The following TRAPPC11 variants were observed in gnomAD, a reference collection of about 807,000 sequenced individuals.
TRAPPC11 encodes the protein trafficking protein particle complex subunit 11.
TRAPPC11 carries 104 observed loss-of-function variants against 151.2 expected under a neutral mutation model. That is an observed-to-expected ratio of 0.69 (90% CI 0.59 to 0.81). The LOEUF (loss-of-function observed/expected upper bound fraction) is 0.81, where lower values mean the gene tolerates loss of function less well. Ranked by LOEUF, TRAPPC11 falls within the 30% of genes least tolerant of loss-of-function variation. The pLI, the probability that TRAPPC11 is intolerant of heterozygous loss-of-function variation, is 0.00. For missense variants in TRAPPC11, 1,230 were observed against 1,349.6 expected (o/e 0.91, Z 1.39); for synonymous variants, 456 against 472.3 (o/e 0.97, Z 0.45).
chr4:183,680,200 A>G lies in TRAPPC11; in HGVS notation c.1046A>G (p.Tyr349Cys), dbSNP rs750711449. 6.2e-6 allele frequency: 10 copies of G among 1,614,064 alleles called. No individual in the cohort carries two copies. The highest frequency in any genetic ancestry group is 4.5e-5 in the East Asian group (2 of 44,846). The change falls in exon 10 of 30, where the codon TAT becomes TGT. Residue 349 changes from tyrosine to cysteine, a missense_variant. Transcript: ENST00000334690. Reference sequence around the variant, plus strand: ...ATTCAAACTCAGAATCCTGGTTTCTATTACCAGCAGGCAGCATACTATGCC... The same window carrying G: ...ATTCAAACTCAGAATCCTGGTTTCTGTTACCAGCAGGCAGCATACTATGCC... ...TAIQTQNPGF[Y>C]YQQAAYYAQE...
intron 28 of TRAPPC11, 53 bp from the exon 29 acceptor site, chr4:183,708,353 AT>A (rs1423438596): frequency 6.5e-7 from 1 of 1,537,596 alleles, no homozygotes; most frequent in Admixed American, 1.8e-5. Context: ...CAACATATAG[AT>A]ATTGCACATA....
intron 8 of TRAPPC11, among the ~76,000 whole-genome samples, chr4:183,678,376 T>C (rs1323101689): frequency 6.6e-6 from 1 of 152,238 alleles, no homozygotes; most frequent in East Asian, 1.9e-4. Flanking sequence ...TGCCTGACTC[T>C]GTGTTGGTGA....
chr4:183,678,637 A>G (rs757257362), intron 8 of TRAPPC11, among the ~76,000 whole-genome samples: 7 of 152,208 alleles, frequency 4.6e-5, no homozygotes, highest in African/African-American at 1.2e-4. Flanking sequence ...AGTTTTCTAG[A>G]AAGGCATACA....
chr4:183,695,188 G>T (rs1736473932), intron 23 of TRAPPC11, among the ~76,000 whole-genome samples: 1 of 152,052 alleles, frequency 6.6e-6, no homozygotes, highest in African/African-American at 2.4e-5. Flanking sequence ...AACCTCAGGT[G>T]ATCTGCCCAC....
chr4:183,670,189 G>A (rs1735085905), intron 5 of TRAPPC11, among the ~76,000 whole-genome samples: 1 of 152,132 alleles, frequency 6.6e-6, no homozygotes, highest in Admixed American at 6.5e-5. Context: ...AGCCTTTCGA[G>A]GTATTACCTA....
intron 2 of TRAPPC11, among the ~76,000 whole-genome samples, chr4:183,664,407 A>G (rs546109838): frequency 3.3e-5 from 5 of 152,180 alleles, no homozygotes; most frequent in Admixed American, 1.3e-4. Context: ...TTTGAATCCC[A>G]TGGTCTGTGC....
At chr4:183,675,499 T>C (rs559082786) in intron 7 of TRAPPC11, 1 of 212,334 alleles carries the variant, frequency 4.7e-6, no homozygotes, top group South Asian at 1.8e-4. Context: ...AAATGTAATA[T>C]TAAAATTTTC....
At chr4:183,694,957 T>TC (rs1736459952) in intron 23 of TRAPPC11, among the ~76,000 whole-genome samples, 2 of 149,824 alleles carry the variant, frequency 1.3e-5, no homozygotes, top group Admixed American at 6.6e-5. Flanking sequence ...TTTTTTTTTT[T>TC]TTTTTTTTGA....
Position 183,713,060 on chromosome 4 carries a change from G to A in TRAPPC11, c.*416G>A, listed in dbSNP as rs989489212. On this transcript the variant is annotated 3_prime_UTR_variant, in exon 30 of 30. Coordinates refer to ENST00000334690, the MANE Select transcript of TRAPPC11 (RefSeq NM_021942.6). ...TGTCTCTTTCAGAGCTGGCCAGACC[G>A]GAAATAAATCATTCTCATAAATTCA... The A allele has an allele frequency of 4.7e-5, 8 of 171,858 alleles. No individual in the cohort carries two copies. Among genetic ancestry groups the A allele is most frequent in the East Asian group, 1.6e-4 (1 of 6,290 alleles). 10.6% of individuals were successfully genotyped at this position (171,858 alleles called of 1,614,324 possible).
At chr4:183,690,082 A>G (rs1418606750) in intron 18 of TRAPPC11, among the ~76,000 whole-genome samples, 1 of 152,152 alleles carries the variant, frequency 6.6e-6, no homozygotes, top group African/African-American at 2.4e-5. Context: ...GGGTGCCTGT[A>G]GTCTCAGCTA....
In TRAPPC11 at chr4:183,691,462, G is replaced by A; in HGVS notation, c.2040G>A (p.Lys680=). 1 of 1,493,394 alleles carries A rather than the reference G, an allele frequency of 6.7e-7. No individual in the cohort carries two copies. Among genetic ancestry groups the A allele is most frequent in the Non-Finnish European group, 9.0e-7 (1 of 1,105,810 alleles). 92.5% of individuals were successfully genotyped at this position (1,493,394 alleles called of 1,614,324 possible). A position where few individuals can be genotyped will look rare whatever the true frequency, so the allele number is the denominator to read the frequency against. The part of the protein sequence containing the change: ...KFVAKTEDVG[K]KIEITSVDLA... Reference sequence around the variant, plus strand: ...TTGCAAAAACTGAAGATGTGGGAAAGAAAATTGAGGTTAGTTATGAAATTT... The same window carrying A: ...TTGCAAAAACTGAAGATGTGGGAAAAAAAATTGAGGTTAGTTATGAAATTT... Residue 680 remains lysine (K), a synonymous_variant, in exon 19 of 30, where the codon AAG becomes AAA. Transcript: ENST00000334690.
intron 18 of TRAPPC11, among the ~76,000 whole-genome samples, chr4:183,688,719 AT>A (rs1292370501): frequency 6.6e-6 from 1 of 151,826 alleles, no homozygotes; most frequent in Non-Finnish European, 1.5e-5. Context: ...TGAGAATTTT[AT>A]TTTAGTGTGT....
chr4:183,673,826 T>G (rs1735275860), intron 5 of TRAPPC11, among the ~76,000 whole-genome samples: 1 of 152,234 alleles, frequency 6.6e-6, no homozygotes, highest in African/African-American at 2.4e-5. Context: ...GGCAGATAAC[T>G]CCTGATAACT....
chr4:183,689,297 A>G (rs1283051337), intron 18 of TRAPPC11, among the ~76,000 whole-genome samples: 2 of 152,020 alleles, frequency 1.3e-5, no homozygotes, highest in Non-Finnish European at 2.9e-5. Flanking sequence ...GATAGGATGA[A>G]TGAAGGACAG....
rs1043178934 is a variant in TRAPPC11, at chr4:183,677,574, A to G, written c.831+20A>G. The G allele has an allele frequency of 8.1e-7, 1 of 1,238,260 alleles. No individual in the cohort carries two copies. Among genetic ancestry groups the G allele is most frequent in the African/African-American group, 1.5e-5 (1 of 66,622 alleles). The allele number at this position is 1,238,260 out of a possible 1,614,324, so 76.7% of individuals were successfully genotyped here. A position where few individuals can be genotyped will look rare whatever the true frequency, so the allele number is the denominator to read the frequency against. On this transcript the variant is annotated intron_variant, in intron 8 of 29. Transcript: ENST00000334690. ...TACAAGGTAATAATTCTGCTTCCAA[A>G]TACAGGGAATTTGTGTTTCAATATT...
At chr4:183,681,275 A>G (rs1344016566) in intron 10 of TRAPPC11, among the ~76,000 whole-genome samples, 1 of 152,102 alleles carries the variant, frequency 6.6e-6, no homozygotes, top group Non-Finnish European at 1.5e-5. Context: ...TAGATTGTAT[A>G]TTAGTACTTA....
chr4:183,701,544 A>G (rs1736799267), intron 25 of TRAPPC11, 153 bp from the exon 26 acceptor site: 1 of 570,446 alleles, frequency 1.8e-6, no homozygotes, highest in Non-Finnish European at 3.1e-6. Flanking sequence ...ACCTTGAAAA[A>G]GTCATTTAAC....
intron 10 of TRAPPC11, among the ~76,000 whole-genome samples, chr4:183,682,434 G>C (rs1735745587): frequency 6.6e-6 from 1 of 152,098 alleles, no homozygotes; most frequent in African/African-American, 2.4e-5. Context: ...AATAAATATA[G>C]AGCATAATTT....
chr4:183,664,740 GTTAT>G (rs1428057362), intron 2 of TRAPPC11, among the ~76,000 whole-genome samples: 1 of 152,096 alleles, frequency 6.6e-6, no homozygotes, highest in East Asian at 1.9e-4. Flanking sequence ...GTAGTGATTT[GTTAT>G]TTATCATAAT....
Sources: gnomAD v4.1 joint callset for allele counts (sites outside exome capture counted in the v4.1 genomes callset) on GRCh38, gnomAD v4.1.1 for gene constraint, MANE v1.5 for transcripts, NCBI Gene and HGNC (gene_info 2026-07-23, HGNC 2026-07-21) for gene names.